Variants in CWC27 observed in about 807,000 individuals in gnomAD.
The protein encoded by CWC27 is spliceosome-associated protein CWC27 homolog.
A neutral mutation model predicts 63.6 loss-of-function variants in CWC27; 47 were observed. That is an observed-to-expected ratio of 0.74 (90% CI 0.58 to 0.94). The LOEUF (loss-of-function observed/expected upper bound fraction) is 0.94, where lower values mean the gene tolerates loss of function less well. Ranked by LOEUF, CWC27 falls within the 40% of genes least tolerant of loss-of-function variation. The pLI is 0.00. For synonymous variants in CWC27, 175 were observed against 179.8 expected (o/e 0.97, Z 0.22); for missense variants, 495 against 554.3 (o/e 0.89, Z 1.07).
intron 11 of CWC27, among the ~76,000 whole-genome samples, chr5:64,928,003 A>C (rs1488169030): frequency 6.6e-6 from 1 of 152,088 alleles, no homozygotes; most frequent in Non-Finnish European, 1.5e-5. Flanking sequence ...AAAAATACAA[A>C]ATTTAGCCAG....
intron 11 of CWC27, among the ~76,000 whole-genome samples, chr5:64,927,955 G>C (rs1356724800): frequency 1.3e-5 from 2 of 152,134 alleles, no homozygotes; most frequent in Non-Finnish European, 2.9e-5. Context: ...AGGAGTTCGA[G>C]ACCAGCCTGG....
chr5:64,944,075 C>T (rs963998678), intron 11 of CWC27, among the ~76,000 whole-genome samples: 2 of 152,002 alleles, frequency 1.3e-5, no homozygotes, highest in Admixed American at 6.6e-5. Context: ...TACTTGCGGA[C>T]ATTACTCCAA....
At chr5:64,857,076 A>G (rs1746274684) in intron 10 of CWC27, among the ~76,000 whole-genome samples, 1 of 152,226 alleles carries the variant, frequency 6.6e-6, no homozygotes, top group South Asian at 2.1e-4. Context: ...TGGAGATGTT[A>G]TAAGCTCATG....
At chr5:64,917,224 T>C (rs1191538386) in intron 11 of CWC27, among the ~76,000 whole-genome samples, 1 of 152,178 alleles carries the variant, frequency 6.6e-6, no homozygotes, top group East Asian at 1.9e-4. Context: ...CTACACGTGT[T>C]CTTATCCAAG....
At chr5:64,844,441 C>T (rs913558596) in intron 10 of CWC27, among the ~76,000 whole-genome samples, 1 of 152,172 alleles carries the variant, frequency 6.6e-6, no homozygotes, top group African/African-American at 2.4e-5. Flanking sequence ...TAGCTTGAGT[C>T]CTTAGGCTGC....
chr5:64,798,572 C>G (rs1050009862), intron 7 of CWC27, among the ~76,000 whole-genome samples: 1 of 152,008 alleles, frequency 6.6e-6, no homozygotes, highest in African/African-American at 2.4e-5. Flanking sequence ...CAAATAATAG[C>G]ATATTTAGAT....
chr5:64,964,867 A>G (rs1748983070), intron 11 of CWC27, among the ~76,000 whole-genome samples: 1 of 152,184 alleles, frequency 6.6e-6, no homozygotes, highest in South Asian at 2.1e-4. Context: ...ATTTTTTCTT[A>G]GCTCTGTTGA....
intron 11 of CWC27, among the ~76,000 whole-genome samples, chr5:64,888,308 T>C (rs1747125374): frequency 6.8e-6 from 1 of 147,516 alleles, no homozygotes; most frequent in South Asian, 2.1e-4. Context: ...TATAATTATA[T>C]ATAATATAGT....
At chr5:65,007,261 CTG>C (rs1463451270) in intron 13 of CWC27, among the ~76,000 whole-genome samples, 1 of 152,188 alleles carries the variant, frequency 6.6e-6, no homozygotes, top group Non-Finnish European at 1.5e-5. Flanking sequence ...TTCCTCAAAA[CTG>C]TCAAGGTGAT....
intron 10 of CWC27, among the ~76,000 whole-genome samples, chr5:64,808,755 A>G (rs567129196): frequency 7.4e-4 from 112 of 152,234 alleles, no homozygotes; most frequent in African/African-American, 2.6e-3. Flanking sequence ...GGATAAATAA[A>G]ATATTTAATT....
intron 1 of CWC27, among the ~76,000 whole-genome samples, chr5:64,772,861 C>T (rs1413778689): frequency 4.0e-5 from 6 of 150,824 alleles, no homozygotes; most frequent in Non-Finnish European, 5.9e-5. Flanking sequence ...TGCTTGAACC[C>T]GGGAAGCAGA....
chr5:64,938,069 C>G (rs1327090337), intron 11 of CWC27, among the ~76,000 whole-genome samples: 2 of 152,010 alleles, frequency 1.3e-5, no homozygotes, highest in Admixed American at 1.3e-4. Flanking sequence ...ATTTGCCCAT[C>G]TGTGTCTTTT....
chr5:64,903,975 C>G (rs920983033), intron 11 of CWC27, among the ~76,000 whole-genome samples: 1 of 152,206 alleles, frequency 6.6e-6, no homozygotes, highest in African/African-American at 2.4e-5. Flanking sequence ...TACTTCATCA[C>G]TTGAAGGACA....
intron 11 of CWC27, among the ~76,000 whole-genome samples, chr5:64,904,168 A>C (rs928006876): frequency 6.6e-6 from 1 of 152,206 alleles, no homozygotes; most frequent in African/African-American, 2.4e-5. Context: ...GCTTCTGCCC[A>C]CTACAAGGTT....
intron 11 of CWC27, among the ~76,000 whole-genome samples, chr5:64,953,800 A>T (rs970497588): frequency 7.2e-5 from 11 of 152,088 alleles, no homozygotes; most frequent in African/African-American, 2.7e-4. Context: ...TTTCTTGATC[A>T]TTCCTTTGGC....
chr5:64,885,552 G>A lies in CWC27; in HGVS notation c.1042+6G>A, dbSNP rs1306325896. ...AGCAGAAAAAAGAAGTGAAGGTAAG[G>A]GCATTTATCACGCTTATTTTTTCAC... On this transcript the variant is annotated splice_donor_region_variant and intron_variant, in intron 11 of 13. Transcript: ENST00000381070. 1.9e-6 allele frequency: 3 copies of A among 1,584,692 alleles called. No homozygotes were observed. The highest frequency in any genetic ancestry group is 1.1e-5 in the South Asian group (1 of 87,010).
At chr5:64,826,534 T>TA (rs1745365134) in intron 10 of CWC27, among the ~76,000 whole-genome samples, 1 of 152,190 alleles carries the variant, frequency 6.6e-6, no homozygotes, top group Non-Finnish European at 1.5e-5. Context: ...ACTTGCATGT[T>TA]AATGTTTAGA....
In CWC27 at chr5:64,768,989, G is replaced by A; in HGVS notation, c.-158G>A. 1.6e-6 allele frequency: 1 copy of A among 642,298 alleles called. No individual in the cohort carries two copies. Among genetic ancestry groups the A allele is most frequent in the Admixed American group, 2.6e-5 (1 of 38,492 alleles). 39.8% of individuals were successfully genotyped at this position (642,298 alleles called of 1,614,324 possible). On this transcript the variant is annotated 5_prime_UTR_variant, in exon 1 of 14. Coordinates refer to ENST00000381070, the MANE Select transcript of CWC27 (RefSeq NM_005869.4). Reference sequence around the variant, plus strand: ...TCCGTGAGGGGCTCCTTTGGGCAGGGGTAGTGTTTGGTGTCCCTGTCTTGC... The same window carrying A: ...TCCGTGAGGGGCTCCTTTGGGCAGGAGTAGTGTTTGGTGTCCCTGTCTTGC...
intron 11 of CWC27, among the ~76,000 whole-genome samples, chr5:64,959,946 C>A (rs1233172992): frequency 6.6e-6 from 1 of 152,108 alleles, no homozygotes; most frequent in Non-Finnish European, 1.5e-5. Context: ...GCTTGGGAGC[C>A]ACGAAGTGTT....
Sources: gnomAD v4.1 joint callset for allele counts (sites outside exome capture counted in the v4.1 genomes callset) on GRCh38, gnomAD v4.1.1 for gene constraint, MANE v1.5 for transcripts, NCBI Gene and HGNC (gene_info 2026-07-23, HGNC 2026-07-21) for gene names.